Variants in FKBP14 observed in about 807,000 individuals in gnomAD.
FKBP14 encodes peptidyl-prolyl cis-trans isomerase FKBP14.
A neutral mutation model predicts 21.6 loss-of-function variants in FKBP14; 20 were observed. That is an observed-to-expected ratio of 0.92 (90% CI 0.65 to 1.34). The LOEUF (loss-of-function observed/expected upper bound fraction) is 1.34, where lower values mean the gene tolerates loss of function less well. Ranked by LOEUF, FKBP14 falls within the 40% of genes most tolerant of loss-of-function variation. The probability of loss-of-function intolerance (pLI) is 0.00; values close to 1 mark genes in which losing one functional copy is unlikely to be tolerated. For synonymous variants in FKBP14, 79 were observed against 86.7 expected, an observed-to-expected ratio of 0.91 and a Z score of 0.49; for missense variants, 253 against 249.0, an observed-to-expected ratio of 1.02 and a Z score of -0.11.
intron 1 of FKBP14, 30 bp from the exon 2 acceptor site, chr7:30,022,846 C>G (rs1790073169): frequency 1.3e-6 from 2 of 1,581,360 alleles, no homozygotes; most frequent in Non-Finnish European, 1.7e-6. Flanking sequence ...CATTAGAACT[C>G]CTTATTAACT....
In FKBP14 at chr7:30,026,588, G is replaced by T; in HGVS notation, c.-80C>A. 7.3e-7 allele frequency: 1 copy of T among 1,366,834 alleles called. No individual in the cohort carries two copies. Among genetic ancestry groups the T allele is most frequent in the Non-Finnish European group, 9.9e-7 (1 of 1,006,936 alleles). The allele number at this position is 1,366,834 out of a possible 1,614,324, so 84.7% of individuals were successfully genotyped here. A position where few individuals can be genotyped will look rare whatever the true frequency, so the allele number is the denominator to read the frequency against. On this transcript the variant is annotated 5_prime_UTR_variant, in exon 1 of 4. Coordinates refer to ENST00000222803, the MANE Select transcript of FKBP14 (RefSeq NM_017946.4). ...TCATAGATTTAAGAACGTAGTTCAA[G>T]GCTTACGGACAAGGGCTTCAGACAA...
Position 30,026,303 on chromosome 7 carries a change from A to C in FKBP14, c.197+9T>G. 1 of 1,593,244 alleles carries C rather than the reference A, an allele frequency of 6.3e-7. No individual in the cohort carries two copies. ...ATTACTATTTTACCTGCGGGGCATA[A>C]TTACTTACGTGGAGTGAAATAAGGA... On this transcript the variant is annotated intron_variant, in intron 1 of 3. Coordinates refer to ENST00000222803, the MANE Select transcript of FKBP14 (RefSeq NM_017946.4).
rs77086336 is a variant in FKBP14 at position 30,026,530 on chromosome 7, G to T, written c.-22C>A. ...TCATGTTGCTGAAGCAAGGAAAGAA[G>T]TCCCTACAAAAGCAGCGAAAGGTCC... On this transcript the variant is annotated 5_prime_UTR_variant, in exon 1 of 4. Transcript: ENST00000222803. The T allele has an allele frequency of 6.3e-7, 1 of 1,594,366 alleles. No homozygotes were observed. Among genetic ancestry groups the T allele is most frequent in the African/African-American group, 1.4e-5 (1 of 73,788 alleles).
At chr7:30,006,107 T>G (rs1789608777), downstream of FKBP14, among the ~76,000 whole-genome samples, 1 of 144,742 alleles carries the variant, frequency 6.9e-6, no homozygotes, top group African/African-American at 2.5e-5. Context: ...CATATATATT[T>G]AGGATAGTCT....
chr7:30,016,814 C>T (rs1323095878), intron 3 of FKBP14, among the ~76,000 whole-genome samples: 1 of 152,134 alleles, frequency 6.6e-6, no homozygotes, highest in Non-Finnish European at 1.5e-5. Flanking sequence ...TCTCTTCCTT[C>T]TGTTTAGACC....
In FKBP14 at chr7:30,019,049, C is replaced by G; in HGVS notation, c.424G>C (p.Glu142Gln). Residue 142 changes from glutamate to glutamine, a missense_variant, in exon 3 of 4, where the codon GAA (glutamate) becomes CAA (glutamine). Physicochemically the swap from Glu to Gln is conservative, Grantham distance 29. Transcript: ENST00000222803. ...TTAAGATCCATTTCTTGGAATGATTCATGGGATCTTGGTCCATTTCGAATC... is the reference window on the plus strand; with the variant it reads ...TTAAGATCCATTTCTTGGAATGATTGATGGGATCTTGGTCCATTTCGAATC... Reference protein sequence around the residue: ...LEIRNGPRSHESFQEMDLNDD... With the variant: ...LEIRNGPRSHQSFQEMDLNDD... 1.2e-6 allele frequency: 2 copies of G among 1,602,942 alleles called. No homozygotes were observed. Among genetic ancestry groups the G allele is most frequent in the Non-Finnish European group, 1.7e-6 (2 of 1,176,504 alleles).
chr7:30,011,929 A>G lies in FKBP14; in HGVS notation c.*2806T>C, dbSNP rs1789750041. 6.6e-6 allele frequency: 1 copy of G among 152,184 alleles called. No individual in the cohort carries two copies. Among genetic ancestry groups the G allele is most frequent in the Admixed American group, 6.6e-5 (1 of 15,260 alleles). The allele number at this position is 152,184 out of a possible 1,614,324, so 9.4% of individuals were successfully genotyped here. ...ATCTTTTCTGTGTTTAGATGTTTGA[A>G]TAAACAGACACTTGCCATTGTGTTA... On this transcript the variant is annotated 3_prime_UTR_variant, in exon 4 of 4. Coordinates refer to ENST00000222803, the MANE Select transcript of FKBP14 (RefSeq NM_017946.4).
At chr7:30,021,566 T>TA (rs1385984915) in intron 2 of FKBP14, among the ~76,000 whole-genome samples, 1 of 152,040 alleles carries the variant, frequency 6.6e-6, no homozygotes, top group Admixed American at 6.6e-5. Flanking sequence ...ACCTCTTTTT[T>TA]TTTTTTTGAG....
Position 30,014,776 on chromosome 7 carries a change from T to G in FKBP14, c.595A>C (p.Ile199Leu), listed in dbSNP as rs780572118. 1 of 1,610,488 alleles carries G rather than the reference T, an allele frequency of 6.2e-7. No homozygotes were observed. Among genetic ancestry groups the G allele is most frequent in the African/African-American group, 1.3e-5 (1 of 74,914 alleles). ...DKEDEDKDGF[I>L]SAREFTYKHD... is the part of the protein sequence containing the mutation. ...TTATATGTAAATTCTCTGGCAGATATAAACCCATCTTTGTCTTCATCTTCT... is the reference window on the plus strand; with the variant it reads ...TTATATGTAAATTCTCTGGCAGATAGAAACCCATCTTTGTCTTCATCTTCT... Residue 199 changes from isoleucine to leucine, a missense_variant, in exon 4 of 4, where the codon ATA becomes CTA. Coordinates refer to ENST00000222803, the MANE Select transcript of FKBP14 (RefSeq NM_017946.4).
chr7:30,013,234 T>G lies in FKBP14; in HGVS notation c.*1501A>C, dbSNP rs1472493617. ...TCCAGGATAGGTATTTATTCAATAG[T>G]AGCTGCTGTAGGTCTGCTTCTTTTT... On this transcript the variant is annotated 3_prime_UTR_variant, in exon 4 of 4. Coordinates refer to ENST00000222803, the MANE Select transcript of FKBP14 (RefSeq NM_017946.4). 6.6e-6 allele frequency: 1 copy of G among 151,914 alleles called. No homozygotes were observed. Among genetic ancestry groups the G allele is most frequent in the Non-Finnish European group, 1.5e-5 (1 of 67,962 alleles). The allele number at this position is 151,914 out of a possible 1,614,324, so 9.4% of individuals were successfully genotyped here. A position where few individuals can be genotyped will look rare whatever the true frequency, so the allele number is the denominator to read the frequency against.
At chr7:30,022,331 AT>A (rs2127949371) in intron 2 of FKBP14, 1 of 164,224 alleles carries the variant, frequency 6.1e-6, no homozygotes, top group South Asian at 2.0e-4. Flanking sequence ...ACATGAATGT[AT>A]TTAATGCCAC....
chr7:30,019,255 A>G, intron 2 of FKBP14, 132 bp from the exon 3 acceptor site: 1 of 795,482 alleles, frequency 1.3e-6, no homozygotes, highest in African/African-American at 1.8e-5. Context: ...TATATGATGA[A>G]AATTATGTAT....
Position 30,012,655 on chromosome 7 carries a change from TAA to T in FKBP14, c.*2078_*2079del, listed in dbSNP as rs1422579328. 2 of 152,034 alleles carry T rather than the reference TAA, an allele frequency of 1.3e-5. No individual in the cohort carries two copies. Among genetic ancestry groups the T allele is most frequent in the Non-Finnish European group, 2.9e-5 (2 of 68,008 alleles). The allele number at this position is 152,034 out of a possible 1,614,324, so 9.4% of individuals were successfully genotyped here. On this transcript the variant is annotated 3_prime_UTR_variant, in exon 4 of 4. Coordinates refer to ENST00000222803, the MANE Select transcript of FKBP14 (RefSeq NM_017946.4). Reference sequence around the variant, plus strand: ...ATTCTTTTTAAACAACAAATGGGGGTAAATATGAATGAAAGAAGTAAAACACA... The same window carrying T: ...ATTCTTTTTAAACAACAAATGGGGGTATATGAATGAAAGAAGTAAAACACA...
chr7:30,008,934 G>A (rs1318244645), downstream of FKBP14, among the ~76,000 whole-genome samples: 6 of 150,174 alleles, frequency 4.0e-5, no homozygotes, highest in South Asian at 2.1e-4. Flanking sequence ...GCGACAGAGC[G>A]AGAATCCGTC....
chr7:30,025,325 C>G (rs189858993), intron 1 of FKBP14: 2 of 152,348 alleles, frequency 1.3e-5, no homozygotes, highest in Admixed American at 1.3e-4. Flanking sequence ...GCTTTGCTAG[C>G]ACTTTGAATA....
chr7:30,012,141 A>G lies in FKBP14; in HGVS notation c.*2594T>C, dbSNP rs534147666. The stretch of plus-strand genomic sequence containing the variant: ...GTGCATCTCCATCATTAAGTGAGGT[A>G]TGACTGTACATGTGAAGTCACAGTT... On this transcript the variant is annotated 3_prime_UTR_variant, in exon 4 of 4. Transcript: ENST00000222803. 7 of 152,382 alleles carry G rather than the reference A, an allele frequency of 4.6e-5. No individual in the cohort carries two copies. The highest frequency in any genetic ancestry group is 1.7e-4 in the African/African-American group (7 of 41,592). 9.4% of individuals were successfully genotyped at this position (152,382 alleles called of 1,614,324 possible).
chr7:30,026,183 G>A (rs906543803), intron 1 of FKBP14, 129 bp downstream of exon 1: 19 of 876,618 alleles, frequency 2.2e-5, no homozygotes, highest in Admixed American at 1.0e-4. Flanking sequence ...CTTTCCCAAA[G>A]AAGGAAATAA....
In FKBP14 at chr7:30,017,687, G is replaced by C. The variant is rs377415661; in HGVS notation, c.477+1309C>G. On this transcript the variant is annotated intron_variant, in intron 3 of 3. Coordinates refer to ENST00000222803, the MANE Select transcript of FKBP14 (RefSeq NM_017946.4). ...GCCTTCCAAAGTGGTAGGATTACAA[G>C]TGTGAGCCACCTCACCCAGCTAAGA... 2.0e-5 allele frequency among the ~76,000 whole-genome samples: 3 copies of C among 152,174 alleles called. No individual in the cohort carries two copies. In the East Asian group the frequency reaches 5.8e-4, roughly 29 times the overall value.
rs1165912831 is a variant in FKBP14, at chr7:30,014,781, C to T, written c.590G>A (p.Gly197Glu). 1 of 1,610,686 alleles carries T rather than the reference C, an allele frequency of 6.2e-7. No homozygotes were observed. Among genetic ancestry groups the T allele is most frequent in the Non-Finnish European group, 8.5e-7 (1 of 1,178,856 alleles). The change falls in exon 4 of 4, where the codon GGG becomes GAG. Residue 197 changes from glycine (G) to glutamate (E), a missense_variant. Coordinates refer to ENST00000222803, the MANE Select transcript of FKBP14 (RefSeq NM_017946.4). Reference sequence around the variant, plus strand: ...TGTAAATTCTCTGGCAGATATAAACCCATCTTTGTCTTCATCTTCTTTATC... The same window carrying T: ...TGTAAATTCTCTGGCAGATATAAACTCATCTTTGTCTTCATCTTCTTTATC... ...IFDKEDEDKD[G>E]FISAREFTYK...
Sources: allele counts gnomAD v4.1 joint callset (sites outside exome capture counted in the v4.1 genomes callset), GRCh38; gene constraint gnomAD v4.1.1; transcripts MANE v1.5; gene names NCBI Gene and HGNC (gene_info 2026-07-23, HGNC 2026-07-21).